GSDME: variants seen among roughly 807,000 people sequenced by gnomAD.
GSDME encodes gasdermin-E.
GSDME carries 44 observed loss-of-function variants against 47.5 expected under a neutral mutation model. The observed-to-expected ratio is 0.93, with a 90% confidence interval of 0.73 to 1.19. GSDME has a LOEUF of 1.19. Ranked by LOEUF, GSDME falls within the 50% of genes most tolerant of loss-of-function variation. The pLI, the probability that GSDME is intolerant of heterozygous loss-of-function variation, is 0.00. For synonymous variants in GSDME, 258 were observed against 252.8 expected (o/e 1.02, Z -0.20); for missense variants, 663 against 604.2 (o/e 1.10, Z -1.02).
the GSDME span, among the ~76,000 whole-genome samples, chr7:24,793,151 T>C: frequency 2.6e-5 from 4 of 152,222 alleles, no homozygotes; most frequent in Admixed American, 6.5e-5. Flanking sequence ...TAGTGTGTTA[T>C]TAATGTTACA....
At chr7:24,702,982 A>G (rs1403511585) in intron 8 of GSDME, 149 bp from the exon 9 acceptor site, 1 of 632,916 alleles carries the variant, frequency 1.6e-6, no homozygotes, top group East Asian at 3.3e-5. Context: ...TAGTGAATGA[A>G]TGGTGCTAAA....
chr7:24,747,487 G>A (rs1458836508), intron 2 of GSDME, among the ~76,000 whole-genome samples: 4 of 152,176 alleles, frequency 2.6e-5, no homozygotes, highest in Non-Finnish European at 5.9e-5. Flanking sequence ...ATTAAGAGCT[G>A]AAGATATTTT....
intron 3 of GSDME, among the ~76,000 whole-genome samples, chr7:24,734,654 T>A (rs1185848966): frequency 6.6e-6 from 1 of 152,164 alleles, no homozygotes; most frequent in African/African-American, 2.4e-5. Context: ...ATTGACATAC[T>A]GGAGAACACA....
Position 24,757,359 on chromosome 7 carries a change from G to T in GSDME, c.-20+37C>A. On this transcript the variant is annotated intron_variant, in intron 1 of 9. Coordinates refer to ENST00000645220, the MANE Select transcript of GSDME (RefSeq NM_001127453.2). This position sits in a 1 kb window ranked among gnomAD's most constrained non-coding sequence, Gnocchi z 5.9. ...CAAAGAGGATCCGGAGTGGAGCCCG[G>T]AGCGGATCCCGCAGCCCGCGCCCGC... is the stretch of plus-strand genomic sequence containing the variant. 1 of 152,440 alleles carries T rather than the reference G, an allele frequency of 6.6e-6. No individual in the cohort carries two copies. The highest frequency in any genetic ancestry group is 2.1e-4 in the South Asian group (1 of 4,848). 9.4% of individuals were successfully genotyped at this position (152,440 alleles called of 1,614,324 possible). A position where few individuals can be genotyped will look rare whatever the true frequency, so the allele number is the denominator to read the frequency against.
chr7:24,723,790 A>G (rs1478352649), intron 3 of GSDME, among the ~76,000 whole-genome samples: 1 of 152,216 alleles, frequency 6.6e-6, no homozygotes, highest in Non-Finnish European at 1.5e-5. Flanking sequence ...TAACTCTTGT[A>G]TTGCTATGTT....
Position 24,714,051 on chromosome 7 carries a change from C to T in GSDME, c.697+3203G>A, listed in dbSNP as rs116295122. ...GCAGCGTGGGAAACAGGTTCACGCC[C>T]ACAAGGCATCCAACTGGAAGTTGGT... On this transcript the variant is annotated intron_variant, in intron 5 of 9. Coordinates refer to ENST00000645220, the MANE Select transcript of GSDME (RefSeq NM_001127453.2). This position sits in a 1 kb window ranked among gnomAD's most constrained non-coding sequence, Gnocchi z 5.0. 3.8e-3 allele frequency among the ~76,000 whole-genome samples: 579 copies of T among 152,332 alleles called. 5 individuals carry two copies. Among genetic ancestry groups the T allele is most frequent in the African/African-American group, 0.013 (548 of 41,572 alleles).
chr7:24,762,519 A>T (rs4719780), upstream of GSDME, among the ~76,000 whole-genome samples: 1 of 152,036 alleles, frequency 6.6e-6, no homozygotes, highest in Non-Finnish European at 1.5e-5. Flanking sequence ...CCCAGCATAG[A>T]GAAGTAAAGC....
chr7:24,784,858 A>G, the GSDME span, among the ~76,000 whole-genome samples: 1 of 151,794 alleles, frequency 6.6e-6, no homozygotes, highest in East Asian at 1.9e-4. Flanking sequence ...CCGCGCCCGG[A>G]CTGCCTTTTT....
chr7:24,761,789 A>G (rs920056356), upstream of GSDME, among the ~76,000 whole-genome samples: 3 of 152,234 alleles, frequency 2.0e-5, no homozygotes, highest in Non-Finnish European at 4.4e-5. The surrounding 1 kb of genome is among the most constrained non-coding windows in gnomAD (Gnocchi z 4.4). Context: ...AAGAAAAAGA[A>G]ACAAGGCAGA....
At chr7:24,750,145 G>A (rs779058941) in intron 1 of GSDME, among the ~76,000 whole-genome samples, 4 of 152,202 alleles carry the variant, frequency 2.6e-5, no homozygotes, top group Non-Finnish European at 4.4e-5. Flanking sequence ...TGAAGGGAAA[G>A]CCAGCATCTT....
At chr7:24,762,833 C>T (rs139649437), upstream of GSDME, among the ~76,000 whole-genome samples, 790 of 107,506 alleles carry the variant, frequency 7.3e-3, 1 homozygote, top group Middle Eastern at 0.013. Flanking sequence ...TAAGGTACTT[C>T]TAGGTTTTGG....
chr7:24,744,368 C>A lies in GSDME; in HGVS notation c.404+194G>T, dbSNP rs61241329. 23,170 of 643,244 alleles carry A rather than the reference C, an allele frequency of 0.036. 1,257 individuals carry two copies. The highest frequency in any genetic ancestry group is 0.17 in the African/African-American group (9,505 of 55,278). 39.8% of individuals were successfully genotyped at this position (643,244 alleles called of 1,614,324 possible). ...TGAAAGTGCTTCCCAAGTCTCCCCC[C>A]ACTCAGGCTAAGAACAGTCAAGCAA... On this transcript the variant is annotated intron_variant, in intron 3 of 9. Transcript: ENST00000645220. This position sits in a 1 kb window ranked among gnomAD's most constrained non-coding sequence, Gnocchi z 4.5.
In GSDME at chr7:24,716,004, CAT is replaced by C. The variant is rs989584660; in HGVS notation, c.697+1248_697+1249del. On this transcript the variant is annotated intron_variant, in intron 5 of 9. Coordinates refer to ENST00000645220, the MANE Select transcript of GSDME (RefSeq NM_001127453.2). The surrounding 1 kb of genome is among the most constrained non-coding windows in gnomAD (Gnocchi z 4.5). ...GACAGCAGCACACGAGGACACTGAG[CAT>C]TCTGTTTGAGTCCCTCTAGTGGCTG... Among the ~76,000 whole-genome samples, 1 of 152,168 alleles carries C rather than the reference CAT, an allele frequency of 6.6e-6. No homozygotes were observed. Among genetic ancestry groups the C allele is most frequent in the African/African-American group, 2.4e-5 (1 of 41,432 alleles).
At chr7:24,737,743 T>C (rs1055153277) in intron 3 of GSDME, among the ~76,000 whole-genome samples, 1 of 149,760 alleles carries the variant, frequency 6.7e-6, no homozygotes, top group Non-Finnish European at 1.5e-5. Flanking sequence ...CTCAACAAAA[T>C]ACTAACAAAA....
chr7:24,779,965 A>T, the GSDME span, among the ~76,000 whole-genome samples: 1 of 152,252 alleles, frequency 6.6e-6, no homozygotes, highest in Non-Finnish European at 1.5e-5. This position sits in a 1 kb window ranked among gnomAD's most constrained non-coding sequence, Gnocchi z 6.0. Flanking sequence ...TAATGGCAGG[A>T]GCAGGAATGC....
At chr7:24,765,464 A>T in the GSDME span, among the ~76,000 whole-genome samples, 2 of 152,128 alleles carry the variant, frequency 1.3e-5, no homozygotes, top group African/African-American at 4.8e-5. Context: ...ACCTCACTGG[A>T]TGTGTTAGGT....
At chr7:24,723,434 G>C (rs1489714889) in intron 3 of GSDME, among the ~76,000 whole-genome samples, 1 of 152,148 alleles carries the variant, frequency 6.6e-6, no homozygotes, top group Non-Finnish European at 1.5e-5. Flanking sequence ...CCATGCAACA[G>C]GGCTCCCCTG....
At chr7:24,720,333 C>G (rs1584072540) in intron 3 of GSDME, among the ~76,000 whole-genome samples, 1 of 152,172 alleles carries the variant, frequency 6.6e-6, no homozygotes, top group South Asian at 2.1e-4. Flanking sequence ...TTGGTGACAG[C>G]ACAAGAAAAA....
chr7:24,740,464 T>A (rs1234294171), intron 3 of GSDME, among the ~76,000 whole-genome samples: 1 of 150,902 alleles, frequency 6.6e-6, no homozygotes, highest in Non-Finnish European at 1.5e-5. Flanking sequence ...TGTACATTTT[T>A]AAAATAACTA....
Sources: gnomAD v4.1 joint callset for allele counts (sites outside exome capture counted in the v4.1 genomes callset) on GRCh38, gnomAD v4.1.1 for gene constraint, Gnocchi (gnomAD v3.1) non-coding constraint, MANE v1.5 for transcripts, NCBI Gene and HGNC (gene_info 2026-07-23, HGNC 2026-07-21) for gene names.